Variants in CACNA1C observed in about 807,000 individuals in gnomAD.
The protein encoded by CACNA1C is calcium voltage-gated channel subunit alpha1 C, also known as voltage-dependent L-type calcium channel subunit alpha-1C.
A neutral mutation model predicts 229.0 loss-of-function variants in CACNA1C; 30 were observed. The ratio of observed to expected loss-of-function variants is 0.13; its 90% CI spans 0.10 to 0.18. CACNA1C has a LOEUF of 0.18. CACNA1C is among the 10% of genes least tolerant of loss of function. The pLI is 1.00. For synonymous variants in CACNA1C, 1,114 were observed against 1,132.5 expected, an observed-to-expected ratio of 0.98 and a Z score of 0.33; for missense variants, 1,658 against 2,845.0, an observed-to-expected ratio of 0.58 and a Z score of 9.49.
intron 1 of CACNA1C, among the ~76,000 whole-genome samples, chr12:2,073,460 C>T (rs1186781824): frequency 6.6e-6 from 1 of 152,062 alleles, no homozygotes; most frequent in East Asian, 1.9e-4. Context: ...TGTTCTTGCT[C>T]ATCCTGGCAA....
intron 3 of CACNA1C, among the ~76,000 whole-genome samples, chr12:2,330,694 A>G (rs1327899340): frequency 6.6e-6 from 1 of 152,246 alleles, no homozygotes; most frequent in Non-Finnish European, 1.5e-5. Context: ...ATGGAGATAC[A>G]AAAAGCAATT....
Position 2,654,110 on chromosome 12 carries a change from C to T in CACNA1C, c.4140+210C>T, listed in dbSNP as rs937813917. ...TCCTGTAGGTAGCAGGAGAATGTCC[C>T]GGTACAGAATACACAGCCCAGAGAG... On this transcript the variant is annotated intron_variant, in intron 33 of 46. Coordinates refer to ENST00000399655, the MANE Select transcript of CACNA1C (RefSeq NM_000719.7). The surrounding 1 kb of genome is among the most constrained non-coding windows in gnomAD (Gnocchi z 4.4). Among the ~76,000 whole-genome samples the T allele has an allele frequency of 2.6e-5, 4 of 152,176 alleles. No homozygotes were observed. Among genetic ancestry groups the T allele is most frequent in the Non-Finnish European group, 5.9e-5 (4 of 68,042 alleles).
chr12:2,007,130 ACT>A (rs777563149), intron 1 of CACNA1C, among the ~76,000 whole-genome samples: 1 of 152,106 alleles, frequency 6.6e-6, no homozygotes, highest in African/African-American at 2.4e-5. Flanking sequence ...AACTAGTCAC[ACT>A]CTCTCACTTG....
chr12:2,004,345 G>A (rs756083086), intron 1 of CACNA1C: 3 of 1,613,298 alleles, frequency 1.9e-6, no homozygotes, highest in East Asian at 2.2e-5. Context: ...CCACGATGCG[G>A]TTGATATAGG....
rs547288246 is a variant in CACNA1C, at chr12:2,119,357, G to A, written c.372-968G>A. Among the ~76,000 whole-genome samples, 201 of 152,344 alleles carry A rather than the reference G, an allele frequency of 1.3e-3. 1 individual carries two copies. Among genetic ancestry groups the A allele is most frequent in the Non-Finnish European group, 2.2e-3 (148 of 68,036 alleles). ...GGGCTGCAAACTTGGCAGTGGGAGC[G>A]GGGTAGGTGGGAGTGGAGCTGGAAG... is the stretch of plus-strand genomic sequence containing the variant. On this transcript the variant is annotated intron_variant, in intron 2 of 46. Coordinates refer to ENST00000399655, the MANE Select transcript of CACNA1C (RefSeq NM_000719.7).
intron 2 of CACNA1C, among the ~76,000 whole-genome samples, chr12:2,118,989 C>T (rs1200984154): frequency 2.0e-5 from 3 of 152,186 alleles, no homozygotes; most frequent in Non-Finnish European, 4.4e-5. Flanking sequence ...GATAATCACT[C>T]GGGTTCCTCC....
rs1165953739 is a variant in CACNA1C, at chr12:2,434,172, A to G, written c.478-14804A>G. ...GTTCTTTGATTGTGGATATCACATA[A>G]CTATCTGTATAGGTTGTTTGTCAAG... On this transcript the variant is annotated intron_variant, in intron 3 of 46. Transcript: ENST00000399655. Among the ~76,000 whole-genome samples the G allele has an allele frequency of 6.6e-5, 10 of 152,012 alleles. No homozygotes were observed. The East Asian group carries it at 1.7e-3, about 27-fold the overall frequency.
chr12:2,345,233 G>T (rs1296686437), intron 3 of CACNA1C, among the ~76,000 whole-genome samples: 1 of 151,918 alleles, frequency 6.6e-6, no homozygotes, highest in Non-Finnish European at 1.5e-5. Context: ...AGAGTCTATG[G>T]GGCAGGGGTG....
Position 2,504,310 on chromosome 12 carries a change from G to T in CACNA1C, c.1114-532G>T. The T allele has an allele frequency of 1.5e-6, 1 of 651,000 alleles. No homozygotes were observed. Among genetic ancestry groups the T allele is most frequent in the Non-Finnish European group, 2.8e-6 (1 of 355,108 alleles). 40.3% of individuals were successfully genotyped at this position (651,000 alleles called of 1,614,324 possible). A position where few individuals can be genotyped will look rare whatever the true frequency, so the allele number is the denominator to read the frequency against. ...TGCCCTGGGTAACACGGGTAACCTG[G>T]TGCACATGAACAAAGCCCACGTTCA... On this transcript the variant is annotated intron_variant, in intron 7 of 46. Coordinates refer to ENST00000399655, the MANE Select transcript of CACNA1C (RefSeq NM_000719.7). The surrounding 1 kb of genome is among the most constrained non-coding windows in gnomAD (Gnocchi z 6.8).
intron 3 of CACNA1C, among the ~76,000 whole-genome samples, chr12:2,198,265 C>T (rs1393375649): frequency 1.3e-5 from 2 of 152,202 alleles, no homozygotes; most frequent in African/African-American, 4.8e-5. Flanking sequence ...CAAGCAGGAG[C>T]TGATTACCTG....
intron 3 of CACNA1C, among the ~76,000 whole-genome samples, chr12:2,448,303 T>C (rs2099319605): frequency 6.6e-6 from 1 of 152,228 alleles, no homozygotes; most frequent in Non-Finnish European, 1.5e-5. Context: ...AGTGCCTGCC[T>C]CCATCCGCAA....
chr12:2,634,407 C>T (rs1163295706), intron 30 of CACNA1C, 27 bp downstream of exon 30: 12 of 1,282,492 alleles, frequency 9.4e-6, no homozygotes, highest in South Asian at 4.0e-5. Context: ...TGTCCCTAAC[C>T]GTCCGTGCCT....
chr12:2,242,770 G>T (rs905309421), intron 3 of CACNA1C, among the ~76,000 whole-genome samples: 65 of 152,350 alleles, frequency 4.3e-4, no homozygotes, highest in African/African-American at 1.6e-3. Flanking sequence ...GTTTGTAAAT[G>T]AGAGCAATAA....
intron 3 of CACNA1C, among the ~76,000 whole-genome samples, chr12:2,207,389 T>C (rs1268803466): frequency 2.0e-5 from 3 of 152,246 alleles, no homozygotes. Flanking sequence ...GTGATAGTTC[T>C]ACTATATAAT....
chr12:2,306,561 C>T (rs549746275), intron 3 of CACNA1C, among the ~76,000 whole-genome samples: 5 of 152,264 alleles, frequency 3.3e-5, no homozygotes, highest in Non-Finnish European at 5.9e-5. Context: ...CTGCCTGTCC[C>T]GTCTTGCCCA....
intron 3 of CACNA1C, among the ~76,000 whole-genome samples, chr12:2,440,242 A>G (rs568316731): frequency 2.0e-5 from 3 of 152,074 alleles, no homozygotes; most frequent in Non-Finnish European, 4.4e-5. Context: ...TTTCATCTCC[A>G]CAAACAGGAA....
rs2154502778 is a variant in CACNA1C, at chr12:2,053,632, C to T, written c.49+21C>T. On this transcript the variant is annotated intron_variant, in intron 1 of 46. Transcript: ENST00000399655. The surrounding 1 kb of genome is among the most constrained non-coding windows in gnomAD (Gnocchi z 5.8). ...CCAAGGTAAGGCTGGACCCCGCCGC[C>T]TCGCCGGGGCTCCCTGCCTTTTCCA... The T allele has an allele frequency of 6.4e-7, 1 of 1,572,220 alleles. No homozygotes were observed. The highest frequency in any genetic ancestry group is 1.2e-5 in the South Asian group (1 of 84,938).
chr12:2,056,785 G>A (rs530763607), intron 1 of CACNA1C, among the ~76,000 whole-genome samples: 2 of 152,196 alleles, frequency 1.3e-5, no homozygotes, highest in South Asian at 4.2e-4. Context: ...CCTACTATTG[G>A]TCAGGCACTT....
chr12:2,016,429 T>C (rs1188650227), intron 1 of CACNA1C, among the ~76,000 whole-genome samples: 1 of 152,164 alleles, frequency 6.6e-6, no homozygotes, highest in Non-Finnish European at 1.5e-5. Context: ...AAAACATTTT[T>C]CTTTTTCTTT....
Sources: gnomAD v4.1 joint callset for allele counts (sites outside exome capture counted in the v4.1 genomes callset) on GRCh38, gnomAD v4.1.1 for gene constraint, Gnocchi (gnomAD v3.1) non-coding constraint, MANE v1.5 for transcripts, NCBI Gene and HGNC (gene_info 2026-07-23, HGNC 2026-07-21) for gene names.